Variants in MMP28 observed in about 807,000 individuals in gnomAD.
MMP28 encodes the protein matrix metallopeptidase 28.
In MMP28, 55 loss-of-function variants were observed where a neutral mutation model predicts 60.5. That is an observed-to-expected ratio of 0.91 (90% CI 0.73 to 1.14). The LOEUF is 1.14. Among genes scored for constraint, MMP28 ranks in the 50% most tolerant of loss-of-function variants. The pLI is 0.00. For synonymous variants in MMP28, 318 were observed against 312.5 expected (o/e 1.02, Z -0.18); for missense variants, 686 against 738.3 (o/e 0.93, Z 0.82).
downstream of MMP28, chr17:35,764,818 T>A: frequency 1.8e-6 from 1 of 558,980 alleles, no homozygotes; most frequent in Non-Finnish European, 3.0e-6. Flanking sequence ...GCGCCCCCAG[T>A]GCAGAGCCCA....
At chr17:35,764,743 T>A (rs1568124281), downstream of MMP28, 3 of 1,068,296 alleles carry the variant, frequency 2.8e-6, no homozygotes, top group East Asian at 6.3e-5. Context: ...TCTCAGCTGC[T>A]GCCCAGAGCG....
intron 3 of MMP28, among the ~76,000 whole-genome samples, chr17:35,776,434 C>G (rs907404698): frequency 1.3e-5 from 2 of 152,098 alleles, no homozygotes; most frequent in African/African-American, 4.8e-5. Context: ...CCTCAGCCTC[C>G]CAAATCGCTG....
At chr17:35,769,756 G>A (rs1433120098) in intron 5 of MMP28, among the ~76,000 whole-genome samples, 2 of 151,654 alleles carry the variant, frequency 1.3e-5, no homozygotes. Context: ...GTGTGAGCGG[G>A]AGCTGCGGGG....
intron 1 of MMP28, among the ~76,000 whole-genome samples, chr17:35,785,793 G>A (rs555697943): frequency 3.9e-5 from 6 of 152,234 alleles, no homozygotes; most frequent in African/African-American, 1.2e-4. Flanking sequence ...AGCTCTATCC[G>A]TTATTCTATC....
At chr17:35,774,393 C>A (rs1012213518) in intron 3 of MMP28, among the ~76,000 whole-genome samples, 67 of 152,278 alleles carry the variant, frequency 4.4e-4, no homozygotes, top group Non-Finnish European at 2.5e-4. Flanking sequence ...AGACCTGAGA[C>A]CCCAGGACAA....
chr17:35,764,319 C>T (rs1381279170), downstream of MMP28: 2 of 1,477,730 alleles, frequency 1.4e-6, no homozygotes, highest in Non-Finnish European at 1.8e-6. Context: ...ACAGCTCCCA[C>T]CGACAGGTGC....
chr17:35,766,404 G>T lies in MMP28; in HGVS notation c.*96C>A. ...GCTTTGCTGCCCGGTCTTCTGCAGAGGGACTCAGAGGCTTCTAAGAGGGGT... is the reference window on the plus strand; with the variant it reads ...GCTTTGCTGCCCGGTCTTCTGCAGATGGACTCAGAGGCTTCTAAGAGGGGT... On this transcript the variant is annotated 3_prime_UTR_variant, in exon 8 of 8. Coordinates refer to ENST00000605424, the MANE Select transcript of MMP28 (RefSeq NM_024302.5). The surrounding 1 kb of genome is among the most constrained non-coding windows in gnomAD (Gnocchi z 4.3). 7.0e-7 allele frequency: 1 copy of T among 1,432,984 alleles called. No individual in the cohort carries two copies. The highest frequency in any genetic ancestry group is 1.5e-5 in the South Asian group (1 of 67,780). 88.8% of individuals were successfully genotyped at this position (1,432,984 alleles called of 1,614,324 possible). A position where few individuals can be genotyped will look rare whatever the true frequency, so the allele number is the denominator to read the frequency against.
At position 35,770,227 on chromosome 17, in the gene MMP28, G is replaced by C. The variant is rs375437998; in HGVS notation, c.690C>G (p.Arg230=). Residue 230 remains arginine, a synonymous_variant, in exon 5 of 8, where the codon CGC becomes CGG. Transcript: ENST00000605424. ...CCAGCACCACGAACAGGTTGCGCCC[G>C]CGGCGGCGGCTCAGGGACCAGCGCT... ...QDERWSLSRR[R]GRNLFVVLAH... 6.3e-7 allele frequency: 1 copy of C among 1,594,792 alleles called. No individual in the cohort carries two copies. Among genetic ancestry groups the C allele is most frequent in the Non-Finnish European group, 8.5e-7 (1 of 1,175,966 alleles).
chr17:35,778,910 A>T lies in MMP28; in HGVS notation c.357T>A (p.Arg119=). ...CACCTTGCTTTGCAAAGCGTTTCTT[A>T]CGCCTCATTTTGGTCCGGTGTCTAG... The part of the protein sequence containing the change: ...LFARHRTKMR[R]KKRFAKQGNK... The change falls in exon 3 of 8, where the codon CGT becomes CGA. Residue 119 remains arginine, a synonymous_variant. Coordinates refer to ENST00000605424, the MANE Select transcript of MMP28 (RefSeq NM_024302.5). 6.2e-7 allele frequency: 1 copy of T among 1,613,946 alleles called. No homozygotes were observed. The highest frequency in any genetic ancestry group is 8.5e-7 in the Non-Finnish European group (1 of 1,179,890).
At chr17:35,775,360 T>C (rs2086294596) in intron 3 of MMP28, among the ~76,000 whole-genome samples, 2 of 152,166 alleles carry the variant, frequency 1.3e-5, no homozygotes, top group African/African-American at 4.8e-5. Context: ...CCCAAACTCC[T>C]GGCCAGGGAG....
At position 35,770,082 on chromosome 17, in the gene MMP28, C is replaced by G. The variant is rs764976085; in HGVS notation, c.835G>C (p.Val279Leu). The G allele has an allele frequency of 1.3e-6, 2 of 1,585,884 alleles. No individual in the cohort carries two copies. Among genetic ancestry groups the G allele is most frequent in the Non-Finnish European group, 1.7e-6 (2 of 1,166,904 alleles). ...ALLSWDDVLA[V>L]QSLYGKPLGG... is the part of the protein sequence containing the mutation. The stretch of plus-strand genomic sequence containing the variant: ...GGGGCCTCACCATACAGGCTCTGCA[C>G]GGCCAGCACGTCGTCCCAGCTGAGC... The change falls in exon 5 of 8, where the codon GTG (valine) becomes CTG (leucine). Residue 279 changes from valine to leucine, a missense_variant. Transcript: ENST00000605424.
chr17:35,764,038 G>T, downstream of MMP28: 1 of 1,547,684 alleles, frequency 6.5e-7, no homozygotes, highest in Non-Finnish European at 8.7e-7. Flanking sequence ...AGAAGGAAAC[G>T]GAAGAGCTCC....
intron 1 of MMP28, among the ~76,000 whole-genome samples, chr17:35,783,061 T>C (rs2143499481): frequency 6.6e-6 from 1 of 151,982 alleles, no homozygotes; most frequent in East Asian, 1.9e-4. Context: ...CTCCTGACCT[T>C]GTGATCCCCC....
chr17:35,775,175 T>C (rs978941093), intron 3 of MMP28, among the ~76,000 whole-genome samples: 1 of 152,024 alleles, frequency 6.6e-6, no homozygotes, highest in African/African-American at 2.4e-5. Flanking sequence ...GGAGGATGAA[T>C]AGGAATGGGA....
At chr17:35,784,770 G>A (rs1310431504) in intron 1 of MMP28, among the ~76,000 whole-genome samples, 3 of 152,086 alleles carry the variant, frequency 2.0e-5, no homozygotes, top group Non-Finnish European at 2.9e-5. Context: ...TTGTTCAATG[G>A]TTCTCTTAAG....
chr17:35,765,528 C>G (rs553008862), downstream of MMP28, among the ~76,000 whole-genome samples: 1 of 152,344 alleles, frequency 6.6e-6, no homozygotes. Context: ...CGTGTGTGGC[C>G]TGGAGAATGC....
chr17:35,757,504 G>A (rs1426074090), intron 2 of MMP28: 1 of 152,200 alleles, frequency 6.6e-6, no homozygotes, highest in Non-Finnish European at 1.5e-5. Flanking sequence ...GAGGAAAGGT[G>A]AGAATAAGCA....
In MMP28 at chr17:35,766,832, C is replaced by T. The variant is rs781304210; in HGVS notation, c.1231G>A (p.Ala411Thr). 1.1e-4 allele frequency: 176 copies of T among 1,575,832 alleles called. No homozygotes were observed. Among genetic ancestry groups the T allele is most frequent in the Non-Finnish European group, 1.5e-4 (171 of 1,161,584 alleles). Residue 411 changes from alanine to threonine, a missense_variant, in exon 8 of 8, where the codon GCA (alanine) becomes ACA (threonine). Coordinates refer to ENST00000605424, the MANE Select transcript of MMP28 (RefSeq NM_024302.5). This position sits in a 1 kb window ranked among gnomAD's most constrained non-coding sequence, Gnocchi z 4.3. ...PVWGLPQLCR[A>T]GGLPRHPDAA... is the part of the protein sequence containing the mutation. Reference sequence around the variant, plus strand: ...TCAGGATGGCGGGGCAGGCCCCCTGCCCGGCACAGCTGTGGGAGACCCCAC... The same window carrying T: ...TCAGGATGGCGGGGCAGGCCCCCTGTCCGGCACAGCTGTGGGAGACCCCAC...
chr17:35,791,903 A>G (rs1188409750), intron 1 of MMP28, among the ~76,000 whole-genome samples: 5 of 152,122 alleles, frequency 3.3e-5, no homozygotes, highest in Non-Finnish European at 7.4e-5. Context: ...AACCCCCTTC[A>G]GTATAGCTCC....
Sources: allele counts gnomAD v4.1 joint callset (sites outside exome capture counted in the v4.1 genomes callset), GRCh38; gene constraint gnomAD v4.1.1; non-coding constraint Gnocchi (gnomAD v3.1); transcripts MANE v1.5; gene names NCBI Gene and HGNC (gene_info 2026-07-23, HGNC 2026-07-21).